Variants in ZNF468 observed in about 807,000 individuals in gnomAD.
The protein encoded by ZNF468 is zinc finger protein 468.
A neutral mutation model predicts 7.2 loss-of-function variants in ZNF468; 8 were observed. The ratio of observed to expected loss-of-function variants is 1.11; its 90% confidence interval spans 0.65 to 2.01. The LOEUF (loss-of-function observed/expected upper bound fraction) is 2.01, where lower values mean the gene tolerates loss of function less well. ZNF468 is among the 30% of genes most tolerant of loss of function. The pLI is 0.00. For missense variants in ZNF468, 608 were observed against 626.5 expected, an observed-to-expected ratio of 0.97 and a Z score of 0.31; for synonymous variants, 218 against 214.4, an observed-to-expected ratio of 1.02 and a Z score of -0.15.
Position 52,854,360 on chromosome 19 carries a change from T to C in ZNF468, c.-73-15A>G. 6.2e-7 allele frequency: 1 copy of C among 1,601,070 alleles called. No homozygotes were observed. Among genetic ancestry groups the C allele is most frequent in the South Asian group, 1.1e-5 (1 of 90,748 alleles). On this transcript the variant is annotated splice_polypyrimidine_tract_variant and intron_variant, in intron 1 of 3. Transcript: ENST00000595646. ...AGAAGTCAATCCTGAATGTTAAAAA[T>C]ATGTTGTTTATCACTCAGAATCAAC...
chr19:52,853,181 G>C (rs563411125), intron 2 of ZNF468, among the ~76,000 whole-genome samples: 16 of 152,090 alleles, frequency 1.1e-4, no homozygotes, highest in African/African-American at 3.9e-4. Context: ...GTCTCATAAC[G>C]ATGCAGAAAT....
At chr19:52,856,657 T>C (rs888136854) in intron 1 of ZNF468, among the ~76,000 whole-genome samples, 13 of 137,564 alleles carry the variant, frequency 9.5e-5, no homozygotes, top group African/African-American at 2.4e-4. Context: ...TCTCCCTCAC[T>C]CTGATGAGCC....
intron 3 of ZNF468, chr19:52,846,655 C>T (rs2063343998): frequency 6.3e-6 from 1 of 158,650 alleles, no homozygotes; most frequent in South Asian, 2.0e-4. Context: ...ACACTGGAAT[C>T]ATGCTTAAAC....
chr19:52,853,773 G>T, intron 2 of ZNF468: 1 of 843,082 alleles, frequency 1.2e-6, no homozygotes, highest in Non-Finnish European at 1.5e-6. Flanking sequence ...TAAGATTTTT[G>T]GAGTCAGAAA....
rs750951734 is a variant in ZNF468 at position 52,841,432 on chromosome 19, T to G, written c.862A>C (p.Ile288Leu). 6.2e-6 allele frequency: 10 copies of G among 1,613,870 alleles called. No individual in the cohort carries two copies. The highest frequency in any genetic ancestry group is 1.7e-5 in the Admixed American group (1 of 59,992). Reference sequence around the variant, plus strand: ...TCTCCAGTATGAAGCGCTTTGTGAATGAAGAGGGATGAATTATGACCAAAG... The same window carrying G: ...TCTCCAGTATGAAGCGCTTTGTGAAGGAAGAGGGATGAATTATGACCAAAG... Reference protein sequence around the residue: ...KTFGHNSSLFIHKALHTGEKP... With the variant: ...KTFGHNSSLFLHKALHTGEKP... The change falls in exon 4 of 4, where the codon ATT (isoleucine) becomes CTT (leucine). Residue 288 changes from isoleucine (I) to leucine (L), a missense_variant. Coordinates refer to ENST00000595646, the MANE Select transcript of ZNF468 (RefSeq NM_001008801.2).
rs536691017 is a variant in ZNF468, at chr19:52,857,279, C to T, written c.-74+293G>A. 1.1e-4 allele frequency among the ~76,000 whole-genome samples: 16 copies of T among 152,284 alleles called. No individual in the cohort carries two copies. The East Asian group carries it at 1.9e-3, about 18-fold the overall frequency. The stretch of plus-strand genomic sequence containing the variant: ...TGGGAATACACCTCTAGGGTGAGGA[C>T]TTTAAAAAGAGCCGTGCGGAAGGAG... On this transcript the variant is annotated intron_variant, in intron 1 of 3. Transcript: ENST00000595646.
chr19:52,842,318 C>T (rs1474836761), intron 3 of ZNF468, among the ~76,000 whole-genome samples, 167 bp from the exon 4 acceptor site: 2 of 152,018 alleles, frequency 1.3e-5, no homozygotes, highest in African/African-American at 4.8e-5. Context: ...AAATAAAGGG[C>T]GATTACATGT....
In ZNF468 at chr19:52,853,307, G is replaced by C. The variant is rs147562784; in HGVS notation, c.15+951C>G. ...GGGAAAGGAGATGTCTTATGGCCAA[G>C]GGTCTAAGCTGCAGCTTTGCTTGGA... is the stretch of plus-strand genomic sequence containing the variant. On this transcript the variant is annotated intron_variant, in intron 2 of 3. Transcript: ENST00000595646. 3.0e-3 allele frequency among the ~76,000 whole-genome samples: 459 copies of C among 152,220 alleles called. 3 individuals carry two copies. Among genetic ancestry groups the C allele is most frequent in the African/African-American group, 0.011 (438 of 41,524 alleles).
chr19:52,854,423 G>C, intron 1 of ZNF468, 78 bp from the exon 2 acceptor site: 2 of 1,402,862 alleles, frequency 1.4e-6, no homozygotes, highest in South Asian at 1.3e-5. Context: ...AAACATAGGA[G>C]ACCTCACCCT....
At chr19:52,849,425 C>A in intron 2 of ZNF468, 2 of 999,862 alleles carry the variant, frequency 2.0e-6, no homozygotes, top group Non-Finnish European at 2.8e-6. Context: ...GTATAAATTT[C>A]TTATGTTTGT....
intron 2 of ZNF468, among the ~76,000 whole-genome samples, chr19:52,852,569 C>T (rs2147743062): frequency 6.6e-6 from 1 of 151,662 alleles, no homozygotes; most frequent in South Asian, 2.1e-4. Context: ...CCCAGCTATT[C>T]AGGAGGCTGA....
chr19:52,857,483 T>G (rs1397095999), intron 1 of ZNF468, 89 bp downstream of exon 1: 3 of 152,284 alleles, frequency 2.0e-5, no homozygotes, highest in African/African-American at 7.2e-5. Flanking sequence ...GGCGAGAACT[T>G]CCAGGTCTAT....
At chr19:52,847,022 T>A (rs936838291) in intron 3 of ZNF468, among the ~76,000 whole-genome samples, 3 of 149,434 alleles carry the variant, frequency 2.0e-5, no homozygotes, top group African/African-American at 7.4e-5. Context: ...AGAAAGAAAG[T>A]AAGAGCAGAG....
intron 2 of ZNF468, among the ~76,000 whole-genome samples, chr19:52,851,167 C>T (rs539032041): frequency 6.6e-6 from 1 of 151,824 alleles, no homozygotes; most frequent in South Asian, 2.1e-4. Context: ...TCCCAGCTAC[C>T]TGAAAGGCTA....
chr19:52,852,219 A>G (rs546527682), intron 2 of ZNF468, among the ~76,000 whole-genome samples: 3 of 152,088 alleles, frequency 2.0e-5, no homozygotes, highest in East Asian at 3.9e-4. Flanking sequence ...TACAAAAATT[A>G]GCCAGGCATG....
In ZNF468 at chr19:52,839,857, A is replaced by T; in HGVS notation, c.*868T>A. ...GAACGATGTCTGAAAAATTTGCCAC[A>T]TTTATTACACTTGTAAGATCTCTTC... is the stretch of plus-strand genomic sequence containing the variant. On this transcript the variant is annotated 3_prime_UTR_variant, in exon 4 of 4. Transcript: ENST00000595646. The T allele has an allele frequency of 1.5e-6, 1 of 688,290 alleles. No individual in the cohort carries two copies. The highest frequency in any genetic ancestry group is 2.4e-6 in the Non-Finnish European group (1 of 416,128). The allele number at this position is 688,290 out of a possible 1,614,324, so 42.6% of individuals were successfully genotyped here.
At chr19:52,852,795 C>G (rs1047053073) in intron 2 of ZNF468, among the ~76,000 whole-genome samples, 1 of 152,000 alleles carries the variant, frequency 6.6e-6, no homozygotes, top group Admixed American at 6.6e-5. Context: ...CTGTAACAAG[C>G]CTTCACACAT....
intron 2 of ZNF468, among the ~76,000 whole-genome samples, chr19:52,852,297 C>T (rs1411175456): frequency 6.6e-6 from 1 of 151,768 alleles, no homozygotes; most frequent in African/African-American, 2.4e-5. Context: ...ACCCAGGAGG[C>T]AGAGGTTTCA....
chr19:52,846,292 C>T (rs553720050), intron 3 of ZNF468, among the ~76,000 whole-genome samples: 3 of 152,120 alleles, frequency 2.0e-5, no homozygotes, highest in South Asian at 2.1e-4. Flanking sequence ...CTCTGCCTCC[C>T]GGATTCAAGT....
Sources: allele counts gnomAD v4.1 joint callset (sites outside exome capture counted in the v4.1 genomes callset), GRCh38; gene constraint gnomAD v4.1.1; transcripts MANE v1.5; gene names NCBI Gene and HGNC (gene_info 2026-07-23, HGNC 2026-07-21).